Variants in HECW1 observed in about 807,000 individuals in gnomAD.
The protein encoded by HECW1 is E3 ubiquitin-protein ligase HECW1.
Under a neutral mutation model 182.3 loss-of-function variants are expected in HECW1, and 61 were observed. The observed-to-expected ratio is 0.33, with a 90% CI of 0.27 to 0.41. The LOEUF is 0.41. HECW1 is among the 10% of genes least tolerant of loss of function. The pLI is 1.00. For synonymous variants in HECW1, 859 were observed against 832.6 expected, an observed-to-expected ratio of 1.03 and a Z score of -0.55; for missense variants, 1,739 against 2,108.9, an observed-to-expected ratio of 0.82 and a Z score of 3.44.
intron 2 of HECW1, among the ~76,000 whole-genome samples, chr7:43,207,323 G>A (rs913852698): frequency 6.6e-6 from 1 of 152,194 alleles, no homozygotes; most frequent in African/African-American, 2.4e-5. Context: ...TGGGATTACA[G>A]ATGTGAGCCA....
chr7:43,439,221 T>A (rs184040482), intron 9 of HECW1: 53 of 152,332 alleles, frequency 3.5e-4, no homozygotes, highest in African/African-American at 1.2e-3. Flanking sequence ...TTCCTTGTGA[T>A]CTTTTTTATT....
chr7:43,378,473 T>C (rs1333962822), intron 6 of HECW1, among the ~76,000 whole-genome samples: 2 of 152,370 alleles, frequency 1.3e-5, no homozygotes, highest in Middle Eastern at 3.4e-3. Flanking sequence ...GATTCTGCAT[T>C]GTCCTGTCAG....
chr7:43,237,142 TAGGTAGGTAGGTAGGTAGG>T (rs1476756605), intron 2 of HECW1, among the ~76,000 whole-genome samples: 1 of 41,490 alleles, frequency 2.4e-5, no homozygotes, highest in African/African-American at 1.5e-4. Context: ...AGGAAGGAAG[TAGGTAGGTAGGTAGGTAGG>T]TAGGTAGGTA....
At chr7:43,405,209 G>A (rs1287463720) in intron 7 of HECW1, among the ~76,000 whole-genome samples, 1 of 152,122 alleles carries the variant, frequency 6.6e-6, no homozygotes, top group African/African-American at 2.4e-5. Context: ...TAAATAGTAG[G>A]TGGTGGTGGA....
At chr7:43,329,875 A>G (rs985961195) in intron 5 of HECW1, among the ~76,000 whole-genome samples, 1 of 152,178 alleles carries the variant, frequency 6.6e-6, no homozygotes, top group Non-Finnish European at 1.5e-5. Flanking sequence ...TCGTTTACCC[A>G]GGGTGGTTAT....
At chr7:43,293,914 C>T (rs1213073378) in intron 3 of HECW1, among the ~76,000 whole-genome samples, 1 of 152,026 alleles carries the variant, frequency 6.6e-6, no homozygotes, top group Non-Finnish European at 1.5e-5. Flanking sequence ...ATTAGATTTT[C>T]GTAGGAGCAT....
intron 5 of HECW1, among the ~76,000 whole-genome samples, chr7:43,351,678 C>CTTTTTT (rs200929407): frequency 1.7e-5 from 2 of 120,544 alleles, no homozygotes; most frequent in Non-Finnish European, 3.5e-5. Context: ...TTTCTTTCTT[C>CTTTTTT]TTTTTTTTTT....
chr7:43,562,838 G>T lies in HECW1; in HGVS notation c.*912G>T, dbSNP rs553995370. 60 of 217,836 alleles carry T rather than the reference G, an allele frequency of 2.8e-4. No individual in the cohort carries two copies. The highest frequency in any genetic ancestry group is 1.3e-3 in the African/African-American group (58 of 44,536). The allele number at this position is 217,836 out of a possible 1,614,324, so 13.5% of individuals were successfully genotyped here. The stretch of plus-strand genomic sequence containing the variant: ...AAAGGGAAGAAGGACATATTACCTT[G>T]GTTTGAATCCCTGAGTTCTGTACTG... On this transcript the variant is annotated 3_prime_UTR_variant, in exon 30 of 30. Transcript: ENST00000395891.
intron 5 of HECW1, among the ~76,000 whole-genome samples, chr7:43,327,876 G>A (rs1810992990): frequency 2.6e-5 from 4 of 152,086 alleles, no homozygotes; most frequent in Admixed American, 2.6e-4. Context: ...AGTGATTAAA[G>A]AGCAAGATTA....
intron 3 of HECW1, among the ~76,000 whole-genome samples, chr7:43,305,922 G>A (rs1807503823): frequency 2.0e-5 from 3 of 152,066 alleles, no homozygotes; most frequent in African/African-American, 7.2e-5. Context: ...CACCACGCCT[G>A]GCTAATTTTG....
chr7:43,316,219 C>T (rs1474790869), intron 4 of HECW1, among the ~76,000 whole-genome samples: 1 of 152,160 alleles, frequency 6.6e-6, no homozygotes, highest in Admixed American at 6.5e-5. Flanking sequence ...TAGGATTCTA[C>T]ACACCAGAAG....
At chr7:43,266,792 AT>A (rs1448063170) in intron 3 of HECW1, among the ~76,000 whole-genome samples, 19 of 152,210 alleles carry the variant, frequency 1.2e-4, no homozygotes, top group African/African-American at 4.6e-4. Flanking sequence ...AAACTACAAA[AT>A]TCATCTATAT....
intron 7 of HECW1, among the ~76,000 whole-genome samples, chr7:43,405,899 C>T (rs899434124): frequency 1.3e-5 from 2 of 152,138 alleles, no homozygotes; most frequent in South Asian, 2.1e-4. Context: ...GATGCTTGTA[C>T]TTCCTGCCTT....
intron 2 of HECW1, among the ~76,000 whole-genome samples, chr7:43,232,933 G>T (rs1217922784): frequency 6.6e-6 from 1 of 152,126 alleles, no homozygotes; most frequent in Non-Finnish European, 1.5e-5. Context: ...ATTGTTTCAT[G>T]ACACTCATGC....
chr7:43,267,839 A>T (rs1042212126), intron 3 of HECW1, among the ~76,000 whole-genome samples: 6 of 152,210 alleles, frequency 3.9e-5, no homozygotes, highest in African/African-American at 1.4e-4. Flanking sequence ...TAATTTCCTT[A>T]GAAAATTACC....
intron 3 of HECW1, among the ~76,000 whole-genome samples, chr7:43,258,370 A>T (rs894628005): frequency 1.3e-5 from 2 of 151,918 alleles, no homozygotes; most frequent in African/African-American, 4.8e-5. Flanking sequence ...AAAAAATAAA[A>T]AAATAAAAAA....
chr7:43,308,202 T>TA (rs1432435893), intron 3 of HECW1, among the ~76,000 whole-genome samples: 4 of 101,840 alleles, frequency 3.9e-5, no homozygotes, highest in African/African-American at 1.7e-4. Context: ...TATTTATATA[T>TA]ATTTTTATAT....
intron 2 of HECW1, among the ~76,000 whole-genome samples, chr7:43,232,021 C>CAAAA (rs34791514): frequency 7.0e-5 from 5 of 71,360 alleles, no homozygotes; most frequent in East Asian, 4.1e-4. Flanking sequence ...GACTCCATCT[C>CAAAA]AAAAAAAAAA....
At position 43,311,536 on chromosome 7, in the gene HECW1, G is replaced by A. The variant is rs373234700; in HGVS notation, c.28-227G>A. 29 of 728,670 alleles carry A rather than the reference G, an allele frequency of 4.0e-5. No individual in the cohort carries two copies. In the African/African-American group the frequency reaches 4.3e-4, roughly 11 times the overall value. 45.1% of individuals were successfully genotyped at this position (728,670 alleles called of 1,614,324 possible). A position where few individuals can be genotyped will look rare whatever the true frequency, so the allele number is the denominator to read the frequency against. On this transcript the variant is annotated intron_variant, in intron 3 of 29. Coordinates refer to ENST00000395891, the MANE Select transcript of HECW1 (RefSeq NM_015052.5). Reference sequence around the variant, plus strand: ...AGAGACTCCAACAAAACATGGAAACGCAGGACACCCTGGTGCACTTGTGTT... The same window carrying A: ...AGAGACTCCAACAAAACATGGAAACACAGGACACCCTGGTGCACTTGTGTT...
Sources: allele counts gnomAD v4.1 joint callset (sites outside exome capture counted in the v4.1 genomes callset), GRCh38; gene constraint gnomAD v4.1.1; transcripts MANE v1.5; gene names NCBI Gene and HGNC (gene_info 2026-07-23, HGNC 2026-07-21).